GNA14: variants seen among roughly 807,000 people sequenced by gnomAD.
GNA14 encodes the protein G protein subunit alpha 14.
Under a neutral mutation model 42.0 loss-of-function variants are expected in GNA14, and 50 were observed. That is an observed-to-expected ratio of 1.19 (90% CI 0.95 to 1.51). The LOEUF (loss-of-function observed/expected upper bound fraction) is 1.51. Ranked by LOEUF, GNA14 falls within the 40% of genes most tolerant of loss-of-function variation. The pLI is 0.00. For synonymous variants in GNA14, 173 were observed against 163.1 expected (o/e 1.06, Z -0.46); for missense variants, 473 against 446.2 (o/e 1.06, Z -0.54).
chr9:77,463,893 C>CTTATGTAA (rs1340881569), intron 2 of GNA14, among the ~76,000 whole-genome samples: 1 of 151,952 alleles, frequency 6.6e-6, no homozygotes, highest in African/African-American at 2.4e-5. Flanking sequence ...ATTCCTCTCT[C>CTTATGTAA]TTATGTAATT....
chr9:77,516,524 G>A lies in GNA14; in HGVS notation c.309+12545C>T, dbSNP rs10217433. Reference sequence around the variant, plus strand: ...GCTGATCACTTGAGGCCAGGAGTTCGAGACCAGCCTGGCCAACATGGTGAA... The same window carrying A: ...GCTGATCACTTGAGGCCAGGAGTTCAAGACCAGCCTGGCCAACATGGTGAA... On this transcript the variant is annotated intron_variant, in intron 2 of 6. Coordinates refer to ENST00000341700, the MANE Select transcript of GNA14 (RefSeq NM_004297.4). Among the ~76,000 whole-genome samples the A allele has an allele frequency of 5.1e-3, 780 of 152,184 alleles. 9 individuals are homozygous for A. Among genetic ancestry groups the A allele is most frequent in the African/African-American group, 0.017 (711 of 41,518 alleles).
chr9:77,451,778 G>T lies in GNA14; in HGVS notation c.310-17256C>A, dbSNP rs1036175941. On this transcript the variant is annotated intron_variant, in intron 2 of 6. Coordinates refer to ENST00000341700, the MANE Select transcript of GNA14 (RefSeq NM_004297.4). ...AAGCAAGAACCCGAGATTCTTTGTT[G>T]TAATCAGGTGCATAAGGAAACCTGT... 3.3e-5 allele frequency among the ~76,000 whole-genome samples: 5 copies of T among 152,220 alleles called. 1 individual carries two copies. The South Asian group carries it at 6.2e-4, about 19-fold the overall frequency.
At chr9:77,593,755 C>T (rs1191711026) in intron 1 of GNA14, among the ~76,000 whole-genome samples, 1 of 152,232 alleles carries the variant, frequency 6.6e-6, no homozygotes, top group Non-Finnish European at 1.5e-5. Flanking sequence ...ATCACCATCG[C>T]TGTCTTTCCA....
intron 1 of GNA14, among the ~76,000 whole-genome samples, chr9:77,562,817 T>C (rs1822903948): frequency 6.6e-6 from 1 of 152,218 alleles, no homozygotes; most frequent in African/African-American, 2.4e-5. Flanking sequence ...AGTCATCCTC[T>C]ACCCTGATCC....
intron 2 of GNA14, among the ~76,000 whole-genome samples, chr9:77,490,842 T>G (rs527541522): frequency 6.6e-6 from 1 of 152,196 alleles, no homozygotes; most frequent in Non-Finnish European, 1.5e-5. Flanking sequence ...AGTGCAGTGG[T>G]GGGCTGAAGG....
intron 2 of GNA14, among the ~76,000 whole-genome samples, chr9:77,439,999 A>T (rs1835704777): frequency 6.6e-6 from 1 of 152,192 alleles, no homozygotes; most frequent in South Asian, 2.1e-4. Flanking sequence ...GGCTAGAGAA[A>T]CATCATGAGT....
At chr9:77,566,076 C>A (rs1403867342) in intron 1 of GNA14, among the ~76,000 whole-genome samples, 1 of 151,742 alleles carries the variant, frequency 6.6e-6, no homozygotes, top group East Asian at 1.9e-4. Flanking sequence ...CCCCAAATAT[C>A]ACCGGTGCTG....
rs563883269 is a variant in GNA14 at position 77,621,840 on chromosome 9, G to T, written c.124+25830C>A. ...TTAAACACAAATATTTGTTTTGAAG[G>T]CTGCCAGCTGGTGGAGTTTTTGATA... On this transcript the variant is annotated intron_variant, in intron 1 of 6. Transcript: ENST00000341700. Among the ~76,000 whole-genome samples the T allele has an allele frequency of 3.5e-3, 537 of 152,324 alleles. 2 individuals are homozygous for T. The highest frequency in any genetic ancestry group is 6.1e-3 in the Non-Finnish European group (412 of 68,032).
intron 2 of GNA14, among the ~76,000 whole-genome samples, chr9:77,441,229 T>G (rs1404453924): frequency 6.6e-6 from 1 of 151,770 alleles, no homozygotes; most frequent in East Asian, 1.9e-4. Flanking sequence ...TGGTGGGAGG[T>G]GATTGGATGA....
chr9:77,452,564 GTGTGTGTA>G (rs1178107332), intron 2 of GNA14, among the ~76,000 whole-genome samples: 4 of 132,190 alleles, frequency 3.0e-5, no homozygotes, highest in African/African-American at 1.3e-4. Flanking sequence ...GTGTGTGTGT[GTGTGTGTA>G]TGTGCATGTG....
rs140078098 is a variant in GNA14, at chr9:77,647,712, C to T, written c.82G>A (p.Asp28Asn). The T allele has an allele frequency of 6.2e-7, 1 of 1,610,120 alleles. No individual in the cohort carries two copies. Among genetic ancestry groups the T allele is most frequent in the African/African-American group, 1.3e-5 (1 of 74,890 alleles). The change falls in exon 1 of 7, where the codon GAC (aspartate) becomes AAC (asparagine). Residue 28 changes from aspartate to asparagine, a missense_variant. By Grantham distance (23) the Asp-to-Asn change is conservative. Coordinates refer to ENST00000341700, the MANE Select transcript of GNA14 (RefSeq NM_004297.4). ...SAEIERQLRR[D>N]KKDARRELKL... ...AGCTCACGGCGCGCGTCCTTCTTGT[C>T]CCGACGAAGCTGTCGCTCGATCTCC...
At chr9:77,521,318 T>TTGGC (rs1799732441) in intron 2 of GNA14, among the ~76,000 whole-genome samples, 1 of 152,198 alleles carries the variant, frequency 6.6e-6, no homozygotes, top group Non-Finnish European at 1.5e-5. Context: ...AGTTGGAACA[T>TTGGC]TGGCCTCTGT....
intron 1 of GNA14, among the ~76,000 whole-genome samples, chr9:77,593,078 A>G (rs1331666316): frequency 6.6e-6 from 1 of 152,184 alleles, no homozygotes; most frequent in Non-Finnish European, 1.5e-5. Flanking sequence ...AGTTGCACTT[A>G]TAATAGCCTA....
chr9:77,596,751 A>G (rs572710780), intron 1 of GNA14, among the ~76,000 whole-genome samples: 10 of 152,320 alleles, frequency 6.6e-5, no homozygotes, highest in Non-Finnish European at 1.2e-4. Flanking sequence ...CTCCCATTCT[A>G]TTCAGTCACC....
chr9:77,527,805 T>C (rs1030775328), intron 2 of GNA14, among the ~76,000 whole-genome samples: 6 of 152,178 alleles, frequency 3.9e-5, no homozygotes, highest in African/African-American at 1.4e-4. Flanking sequence ...AGCTAATGTT[T>C]TGCAATTTTA....
chr9:77,572,108 C>T (rs1010776559), intron 1 of GNA14, among the ~76,000 whole-genome samples: 3 of 152,044 alleles, frequency 2.0e-5, no homozygotes, highest in Non-Finnish European at 4.4e-5. Flanking sequence ...ATGAAAAATT[C>T]CCAGGTTAAG....
intron 2 of GNA14, among the ~76,000 whole-genome samples, chr9:77,468,281 G>T (rs1836271722): frequency 6.6e-6 from 1 of 152,110 alleles, no homozygotes; most frequent in African/African-American, 2.4e-5. Flanking sequence ...TCCATTTGCT[G>T]TATGCTTTTA....
intron 1 of GNA14, among the ~76,000 whole-genome samples, chr9:77,620,919 T>A (rs1008461628): frequency 6.6e-6 from 1 of 151,856 alleles, no homozygotes; most frequent in African/African-American, 2.4e-5. Context: ...TAAAATTTTT[T>A]AAAATGACTT....
intron 1 of GNA14, among the ~76,000 whole-genome samples, chr9:77,602,073 T>A (rs935275172): frequency 1.4e-4 from 22 of 152,218 alleles, no homozygotes; most frequent in African/African-American, 5.1e-4. Flanking sequence ...GTCCTCATTG[T>A]CCTCACACAT....
Sources: gnomAD v4.1 joint callset for allele counts (sites outside exome capture counted in the v4.1 genomes callset) on GRCh38, gnomAD v4.1.1 for gene constraint, MANE v1.5 for transcripts, NCBI Gene and HGNC (gene_info 2026-07-23, HGNC 2026-07-21) for gene names.